IGSF21: variants seen among roughly 807,000 people sequenced by gnomAD.
The protein encoded by IGSF21 is immunoglobin superfamily member 21, also known as immunoglobulin superfamily member 21.
In IGSF21, 28 loss-of-function variants were observed where a neutral mutation model predicts 46.8. The observed-to-expected ratio is 0.60, with a 90% CI of 0.44 to 0.82. The LOEUF (loss-of-function observed/expected upper bound fraction) is 0.82, where lower values mean the gene tolerates loss of function less well. Ranked by LOEUF, IGSF21 falls within the 40% of genes least tolerant of loss-of-function variation. The pLI is 0.00. For synonymous variants in IGSF21, 284 were observed against 273.6 expected (o/e 1.04, Z -0.38); for missense variants, 624 against 665.5 (o/e 0.94, Z 0.69).
intron 2 of IGSF21, among the ~76,000 whole-genome samples, chr1:18,247,120 T>C (rs1312747833): frequency 6.6e-6 from 1 of 150,376 alleles, no homozygotes; most frequent in Non-Finnish European, 1.5e-5. Context: ...GCACGATCTC[T>C]GCACAGCTGG....
At chr1:18,310,073 C>T (rs1265394561) in intron 3 of IGSF21, among the ~76,000 whole-genome samples, 4 of 152,212 alleles carry the variant, frequency 2.6e-5, no homozygotes, top group African/African-American at 9.6e-5. Flanking sequence ...CTGCATGTGC[C>T]TCCTCCTTTG....
At chr1:18,368,834 G>A (rs953657345) in intron 6 of IGSF21, among the ~76,000 whole-genome samples, 6 of 152,222 alleles carry the variant, frequency 3.9e-5, no homozygotes, top group African/African-American at 1.4e-4. Flanking sequence ...AAAGATGAAA[G>A]GCCAGATACA....
chr1:18,368,744 C>T (rs35533300), intron 6 of IGSF21, among the ~76,000 whole-genome samples: 38,105 of 152,008 alleles, frequency 0.25, 5,170 homozygotes, highest in Non-Finnish European at 0.3. Flanking sequence ...TTATGAAAGC[C>T]CCCTCCTGCC....
At chr1:18,226,236 G>A (rs759108909) in intron 1 of IGSF21, among the ~76,000 whole-genome samples, 5 of 152,106 alleles carry the variant, frequency 3.3e-5, no homozygotes, top group African/African-American at 9.7e-5. Flanking sequence ...ACAGGCCCCC[G>A]TCCGCCTACC....
At chr1:18,235,243 G>C (rs1013445564) in intron 2 of IGSF21, among the ~76,000 whole-genome samples, 5 of 152,184 alleles carry the variant, frequency 3.3e-5, no homozygotes, top group Admixed American at 3.3e-4. Context: ...TCTGATAGAG[G>C]GAGCTGTTCC....
intron 2 of IGSF21, among the ~76,000 whole-genome samples, chr1:18,250,554 T>C (rs962434457): frequency 1.3e-5 from 2 of 152,212 alleles, no homozygotes; most frequent in Non-Finnish European, 2.9e-5. Context: ...TAAAGAGATA[T>C]GTAATTAAAC....
intron 2 of IGSF21, 54 bp from the exon 3 acceptor site, chr1:18,291,812 G>A (rs988343058): frequency 6.3e-7 from 1 of 1,599,122 alleles, no homozygotes; most frequent in South Asian, 1.1e-5. Flanking sequence ...GGGGAAAGGG[G>A]TGACCAGGGC....
chr1:18,218,566 C>G (rs1224239118), intron 1 of IGSF21, among the ~76,000 whole-genome samples: 2 of 152,124 alleles, frequency 1.3e-5, no homozygotes, highest in Non-Finnish European at 2.9e-5. Flanking sequence ...AAAGTAAATA[C>G]TAGCAGATGG....
intron 4 of IGSF21, among the ~76,000 whole-genome samples, chr1:18,338,005 T>C (rs956095891): frequency 1.3e-4 from 20 of 151,892 alleles, no homozygotes; most frequent in African/African-American, 4.6e-4. Flanking sequence ...CGTGGCTGAG[T>C]GTTTCTCATA....
chr1:18,273,991 C>T (rs1172135511), intron 2 of IGSF21, among the ~76,000 whole-genome samples: 2 of 152,186 alleles, frequency 1.3e-5, no homozygotes, highest in African/African-American at 4.8e-5. Context: ...GGAAATCACT[C>T]GGCCTCTCTG....
At chr1:18,289,510 T>C (rs960147039) in intron 2 of IGSF21, among the ~76,000 whole-genome samples, 26 of 152,214 alleles carry the variant, frequency 1.7e-4, no homozygotes. Flanking sequence ...ATTTTGCCTC[T>C]CCAAGCCTCA....
intron 1 of IGSF21, among the ~76,000 whole-genome samples, chr1:18,177,220 A>G (rs1321591390): frequency 6.6e-6 from 1 of 152,198 alleles, no homozygotes; most frequent in East Asian, 1.9e-4. Context: ...TAGAGAATCC[A>G]GAGTCAGTAA....
At chr1:18,257,046 G>T (rs1378444893) in intron 2 of IGSF21, among the ~76,000 whole-genome samples, 1 of 152,150 alleles carries the variant, frequency 6.6e-6, no homozygotes, top group Non-Finnish European at 1.5e-5. Context: ...CCACTTTCTT[G>T]AAAGCTGATT....
intron 1 of IGSF21, among the ~76,000 whole-genome samples, chr1:18,185,429 A>G (rs921649513): frequency 1.3e-5 from 2 of 152,204 alleles, no homozygotes; most frequent in Non-Finnish European, 2.9e-5. Context: ...AACAAAACAT[A>G]TTCCCTCCCA....
chr1:18,273,532 C>CT (rs1356119016), intron 2 of IGSF21, among the ~76,000 whole-genome samples: 2,070 of 84,146 alleles, frequency 0.025, 279 homozygotes, highest in African/African-American at 0.091. Context: ...TCTTTCTTTA[C>CT]TTTTTTTTTT....
At chr1:18,220,864 G>T (rs1251919232) in intron 1 of IGSF21, among the ~76,000 whole-genome samples, 1 of 152,154 alleles carries the variant, frequency 6.6e-6, no homozygotes, top group Non-Finnish European at 1.5e-5. Context: ...AGCAGGCCCT[G>T]GATGATGAGT....
rs185224985 is a variant in IGSF21 at position 18,283,642 on chromosome 1, C to T, written c.184-8224C>T. Among the ~76,000 whole-genome samples the T allele has an allele frequency of 1.2e-3, 188 of 152,200 alleles. 1 individual carries two copies. Among genetic ancestry groups the T allele is most frequent in the African/African-American group, 4.3e-3 (180 of 41,524 alleles). On this transcript the variant is annotated intron_variant, in intron 2 of 9. Coordinates refer to ENST00000251296, the MANE Select transcript of IGSF21 (RefSeq NM_032880.5). ...GAATCATTCTCCCAGGCTTCCTCTC[C>T]GCCTTCATTCCCCTCACCTCTTCCC...
chr1:18,268,763 C>A (rs2085014462), intron 2 of IGSF21, among the ~76,000 whole-genome samples: 1 of 152,168 alleles, frequency 6.6e-6, no homozygotes, highest in African/African-American at 2.4e-5. Flanking sequence ...GGTCTCCCTC[C>A]TGAAGGTCTC....
chr1:18,140,453 C>T (rs11584654), intron 1 of IGSF21, among the ~76,000 whole-genome samples: 10,284 of 152,156 alleles, frequency 0.068, 485 homozygotes, highest in African/African-American at 0.13. Flanking sequence ...GAGCCCAAAC[C>T]AAGCCTCAAT....
Sources: allele counts gnomAD v4.1 joint callset (sites outside exome capture counted in the v4.1 genomes callset), GRCh38; gene constraint gnomAD v4.1.1; transcripts MANE v1.5; gene names NCBI Gene and HGNC (gene_info 2026-07-23, HGNC 2026-07-21).